Variants in CLCA4 observed in about 807,000 individuals in gnomAD.
CLCA4 encodes chloride channel accessory 4.
In CLCA4, 69 loss-of-function variants were observed where a neutral mutation model predicts 78.9. The ratio of observed to expected loss-of-function variants is 0.87; its 90% CI spans 0.72 to 1.07. CLCA4 has a LOEUF of 1.07. Ranked by LOEUF, CLCA4 falls within the 50% of genes least tolerant of loss-of-function variation. The pLI is 0.00. For missense variants in CLCA4, 1,133 were observed against 1,095.8 expected (o/e 1.03, Z -0.48); for synonymous variants, 362 against 375.8 (o/e 0.96, Z 0.42).
intron 3 of CLCA4, among the ~76,000 whole-genome samples, chr1:86,562,905 C>A (rs1196941154): frequency 6.6e-6 from 1 of 150,832 alleles, no homozygotes; most frequent in Non-Finnish European, 1.5e-5. Context: ...AACATGACTT[C>A]TTCATACTGT....
chr1:86,580,703 A>C lies in CLCA4; in HGVS notation c.*358A>C, dbSNP rs76273928. 2,193 of 168,720 alleles carry C rather than the reference A, an allele frequency of 0.013. 54 individuals are homozygous for C. The highest frequency in any genetic ancestry group is 0.049 in the African/African-American group (2,050 of 42,166). 10.5% of individuals were successfully genotyped at this position (168,720 alleles called of 1,614,324 possible). A position where few individuals can be genotyped will look rare whatever the true frequency, so the allele number is the denominator to read the frequency against. On this transcript the variant is annotated 3_prime_UTR_variant, in exon 14 of 14. Coordinates refer to ENST00000370563, the MANE Select transcript of CLCA4 (RefSeq NM_012128.4). ...TCAAGAAATTAAAATCATCTATCTG[A>C]GTAGTCAAAATACAAGTAAAGGAGA...
Position 86,559,920 on chromosome 1 carries a change from C to T in CLCA4, c.160-12C>T, listed in dbSNP as rs765546277. The T allele has an allele frequency of 6.3e-7, 1 of 1,578,004 alleles. No individual in the cohort carries two copies. Among genetic ancestry groups the T allele is most frequent in the Admixed American group, 2.0e-5 (1 of 49,668 alleles). On this transcript the variant is annotated splice_polypyrimidine_tract_variant and intron_variant, in intron 1 of 13. Transcript: ENST00000370563. Reference sequence around the variant, plus strand: ...CTTCACCATCCTCACATATTTTTTCCTTTAATGACAGGATATGGTGACTAC... The same window carrying T: ...CTTCACCATCCTCACATATTTTTTCTTTTAATGACAGGATATGGTGACTAC...
intron 1 of CLCA4, chr1:86,553,112 T>A: frequency 2.6e-6 from 2 of 766,688 alleles, no homozygotes; most frequent in Non-Finnish European, 4.6e-6. Context: ...GTGCGCCGTA[T>A]CCCATCCTGC....
At chr1:86,567,278 A>G (rs1175574685) in intron 6 of CLCA4, 146 bp from the exon 7 acceptor site, 1 of 715,158 alleles carries the variant, frequency 1.4e-6, no homozygotes, top group Non-Finnish European at 2.3e-6. Flanking sequence ...GTTATCAATT[A>G]AAAATTTGAT....
Position 86,561,644 on chromosome 1 carries a change from C to T in CLCA4, c.448+1286C>T, listed in dbSNP as rs183128026. On this transcript the variant is annotated intron_variant, in intron 3 of 13. Coordinates refer to ENST00000370563, the MANE Select transcript of CLCA4 (RefSeq NM_012128.4). ...TCAATTAATGTCCTGATTGATAAAA[C>T]AGAGGTCTCTACATTCTTCCTCTCT... Among the ~76,000 whole-genome samples the T allele has an allele frequency of 1.8e-3, 272 of 152,256 alleles. 1 individual carries two copies. Among genetic ancestry groups the T allele is most frequent in the African/African-American group, 6.2e-3 (259 of 41,554 alleles).
At chr1:86,561,021 C>A (rs765164127) in intron 3 of CLCA4, among the ~76,000 whole-genome samples, 1 of 152,192 alleles carries the variant, frequency 6.6e-6, no homozygotes, top group Non-Finnish European at 1.5e-5. Context: ...TAAATGGGAA[C>A]CTTGCTGAAT....
At chr1:86,548,271 G>T (rs1649556135) in intron 1 of CLCA4, among the ~76,000 whole-genome samples, 1 of 152,056 alleles carries the variant, frequency 6.6e-6, no homozygotes, top group Non-Finnish European at 1.5e-5. Context: ...CAGATCATTT[G>T]CCCATTTTAA....
chr1:86,560,575 T>C (rs1649987431), intron 3 of CLCA4, among the ~76,000 whole-genome samples: 1 of 152,216 alleles, frequency 6.6e-6, no homozygotes. Context: ...AAAATATTTG[T>C]TCTACATTAA....
chr1:86,569,165 G>A (rs1650280644), intron 7 of CLCA4, among the ~76,000 whole-genome samples: 2 of 152,008 alleles, frequency 1.3e-5, no homozygotes, highest in Non-Finnish European at 2.9e-5. Flanking sequence ...AGATAGTGTT[G>A]TGAATAAACG....
Position 86,567,483 on chromosome 1 carries a change from T to C in CLCA4, c.1014T>C (p.Val338=). 6.2e-7 allele frequency: 1 copy of C among 1,613,404 alleles called. No individual in the cohort carries two copies. The highest frequency in any genetic ancestry group is 2.2e-5 in the East Asian group (1 of 44,860). ...CAAAACATTTCCTGCTGCAGACTGT[T>C]GAAAATGGATCCTGGGTGGGGATGG... ...QAAKHFLLQT[V]ENGSWVGMVH... Residue 338 remains valine, a synonymous_variant, in exon 7 of 14, where the codon GTT becomes GTC. Transcript: ENST00000370563.
intron 3 of CLCA4, among the ~76,000 whole-genome samples, chr1:86,562,229 G>A (rs897404807): frequency 3.3e-5 from 5 of 152,220 alleles, no homozygotes; most frequent in African/African-American, 7.2e-5. Context: ...GGGAGGCAGG[G>A]AAACCTGAGA....
chr1:86,547,644 A>G (rs1172965297), intron 1 of CLCA4, among the ~76,000 whole-genome samples: 1 of 152,122 alleles, frequency 6.6e-6, no homozygotes, highest in Non-Finnish European at 1.5e-5. Flanking sequence ...GCAGCCTCTA[A>G]TAAGTATCAT....
intron 1 of CLCA4, among the ~76,000 whole-genome samples, chr1:86,556,995 G>A (rs115093984): frequency 0.012 from 1,851 of 152,218 alleles, 19 homozygotes; most frequent in Middle Eastern, 0.044. Context: ...GGTGTTCATA[G>A]TAGTTTCTGA....
At chr1:86,549,006 G>A (rs900432170) in intron 1 of CLCA4, among the ~76,000 whole-genome samples, 2 of 152,170 alleles carry the variant, frequency 1.3e-5, no homozygotes, top group African/African-American at 4.8e-5. Context: ...CTAAAGAGCA[G>A]TAAAATTTTT....
chr1:86,572,613 G>A lies in CLCA4; in HGVS notation c.1361-1G>A, dbSNP rs757502747. On this transcript the variant is annotated splice_acceptor_variant, in intron 8 of 13. Transcript: ENST00000370563. LOFTEE classifies it high-confidence loss of function. ...GTCTAATTAATGCATTTACATTTTA[G>A]GAGGAAGTCATTTTTATGTTTCAGA... The A allele has an allele frequency of 3.2e-6, 5 of 1,569,174 alleles. No individual in the cohort carries two copies. The highest frequency in any genetic ancestry group is 4.4e-6 in the Non-Finnish European group (5 of 1,140,564).
intron 1 of CLCA4, among the ~76,000 whole-genome samples, chr1:86,559,091 C>T (rs1055833034): frequency 6.6e-6 from 1 of 151,982 alleles, no homozygotes; most frequent in African/African-American, 2.4e-5. Context: ...TGACTGTTGG[C>T]CTCCTAGCAG....
intron 3 of CLCA4, among the ~76,000 whole-genome samples, chr1:86,562,584 G>C (rs1159885705): frequency 2.0e-5 from 3 of 152,164 alleles, no homozygotes; most frequent in African/African-American, 7.2e-5. Flanking sequence ...GCTGGGCAAG[G>C]TGGCTGATGC....
chr1:86,553,472 G>C (rs914835510), intron 1 of CLCA4: 4 of 329,786 alleles, frequency 1.2e-5, no homozygotes, highest in African/African-American at 2.2e-5. Flanking sequence ...CGACGATCCT[G>C]TCCGACCCGC....
At chr1:86,561,110 G>T (rs1393321431) in intron 3 of CLCA4, among the ~76,000 whole-genome samples, 2 of 152,114 alleles carry the variant, frequency 1.3e-5, no homozygotes, top group African/African-American at 4.8e-5. Context: ...CAAACATTCA[G>T]CTAGATCTGG....
Sources: allele counts gnomAD v4.1 joint callset (sites outside exome capture counted in the v4.1 genomes callset), GRCh38; gene constraint gnomAD v4.1.1; transcripts MANE v1.5; gene names NCBI Gene and HGNC (gene_info 2026-07-23, HGNC 2026-07-21).